The following MTUS2 variants were observed in gnomAD, a reference collection of about 807,000 sequenced individuals.
The protein encoded by MTUS2 is microtubule associated scaffold protein 2, also known as microtubule-associated tumor suppressor candidate 2.
A neutral mutation model predicts 114.1 loss-of-function variants in MTUS2; 40 were observed. The observed-to-expected ratio is 0.35, with a 90% CI of 0.27 to 0.46. MTUS2 has a LOEUF of 0.46. Among genes scored for constraint, MTUS2 ranks in the 20% least tolerant of loss-of-function variants. The pLI, the probability that MTUS2 is intolerant of heterozygous loss-of-function variation, is 1.00. For synonymous variants in MTUS2, 688 were observed against 672.0 expected (o/e 1.02, Z -0.37); for missense variants, 1,679 against 1,705.4 (o/e 0.98, Z 0.27).
intron 15 of MTUS2, 72 bp downstream of exon 15, chr13:29,501,266 C>T: frequency 8.6e-7 from 1 of 1,160,606 alleles, no homozygotes; most frequent in Non-Finnish European, 1.3e-6. Flanking sequence ...ATCCAGTTTC[C>T]CTCACTCTGG....
intron 2 of MTUS2, among the ~76,000 whole-genome samples, chr13:28,878,083 C>G (rs1349058767): frequency 6.6e-6 from 1 of 152,030 alleles, no homozygotes; most frequent in East Asian, 1.9e-4. Context: ...GCTTTGTAAT[C>G]TCTGTAGCTT....
chr13:29,448,065 A>G (rs76533630), intron 9 of MTUS2, among the ~76,000 whole-genome samples: 6,568 of 152,232 alleles, frequency 0.043, 455 homozygotes, highest in African/African-American at 0.15. Flanking sequence ...GCCATCAGGT[A>G]GATGTTTAAG....
intron 2 of MTUS2, among the ~76,000 whole-genome samples, chr13:28,950,852 G>A (rs942347909): frequency 5.3e-5 from 8 of 152,210 alleles, no homozygotes; most frequent in African/African-American, 1.7e-4. Context: ...GTGAGCACAT[G>A]TGCCATTAGA....
intron 5 of MTUS2, among the ~76,000 whole-genome samples, chr13:29,270,757 G>C (rs1328165118): frequency 1.3e-5 from 2 of 152,210 alleles, no homozygotes; most frequent in Admixed American, 1.3e-4. Flanking sequence ...AGCAGCTGCT[G>C]CTCCTTATCC....
At chr13:29,228,068 A>T (rs1896180898) in intron 5 of MTUS2, among the ~76,000 whole-genome samples, 1 of 152,186 alleles carries the variant, frequency 6.6e-6, no homozygotes, top group Admixed American at 6.5e-5. Flanking sequence ...TCTTACTCCT[A>T]AGAATCTGTC....
At chr13:29,066,714 C>T (rs1236439472) in intron 4 of MTUS2, among the ~76,000 whole-genome samples, 5 of 152,162 alleles carry the variant, frequency 3.3e-5, no homozygotes, top group Non-Finnish European at 4.4e-5. Flanking sequence ...AGATGCTGGT[C>T]TATGTATGTA....
At chr13:28,854,531 T>C (rs74486383) in intron 2 of MTUS2, among the ~76,000 whole-genome samples, 2 of 152,298 alleles carry the variant, frequency 1.3e-5, no homozygotes, top group Non-Finnish European at 2.9e-5. Context: ...CATGAACACA[T>C]TGAGGGAGGG....
At chr13:28,874,999 T>C (rs187968394) in intron 2 of MTUS2, among the ~76,000 whole-genome samples, 4 of 152,356 alleles carry the variant, frequency 2.6e-5, no homozygotes, top group Admixed American at 2.6e-4. Context: ...GATGGAGGTA[T>C]TTTGTTGTCT....
At chr13:29,315,983 G>T (rs1899971952) in intron 6 of MTUS2, among the ~76,000 whole-genome samples, 1 of 152,186 alleles carries the variant, frequency 6.6e-6, no homozygotes, top group South Asian at 2.1e-4. Context: ...TGCCTCTTGG[G>T]TTGCAGGTGT....
chr13:29,368,656 T>A (rs1870944307), intron 8 of MTUS2, among the ~76,000 whole-genome samples: 1 of 152,180 alleles, frequency 6.6e-6, no homozygotes, highest in Non-Finnish European at 1.5e-5. Context: ...AATAATGTAC[T>A]TTATGCTTCC....
intron 5 of MTUS2, among the ~76,000 whole-genome samples, chr13:29,188,233 G>A (rs1349318212): frequency 6.6e-6 from 1 of 152,128 alleles, no homozygotes. Context: ...CTTCAGACAT[G>A]GGAACTGAGA....
intron 5 of MTUS2, among the ~76,000 whole-genome samples, chr13:29,194,019 G>A (rs556150969): frequency 1.1e-4 from 16 of 151,670 alleles, no homozygotes; most frequent in Admixed American, 3.3e-4. Context: ...AATAAATGGT[G>A]CTGGGAAAAC....
chr13:28,959,165 CAGA>C (rs1279312053), intron 2 of MTUS2, among the ~76,000 whole-genome samples: 1 of 152,166 alleles, frequency 6.6e-6, no homozygotes, highest in Non-Finnish European at 1.5e-5. Flanking sequence ...TTTCTCTAGC[CAGA>C]AGACCAGGAA....
rs1232561366 is a variant in MTUS2 at position 29,026,750 on chromosome 13, A to T, written c.2052A>T (p.Ala684=). 1 of 1,614,002 alleles carries T rather than the reference A, an allele frequency of 6.2e-7. No individual in the cohort carries two copies. Among genetic ancestry groups the T allele is most frequent in the Admixed American group, 1.7e-5 (1 of 60,032 alleles). The stretch of plus-strand genomic sequence containing the variant: ...TGCCTCTTCCCCACGAAGAGAAGGC[A>T]GCAGGTGGTGACCTGAAGCCATCTG... The part of the protein sequence containing the change: ...CTMPLPHEEK[A]AGGDLKPSAN... The change falls in exon 3 of 16, where the codon GCA becomes GCT. Residue 684 remains alanine, a synonymous_variant. Coordinates refer to ENST00000612955, the MANE Select transcript of MTUS2 (RefSeq NM_001033602.4).
chr13:28,931,869 C>T (rs991535846), intron 2 of MTUS2, among the ~76,000 whole-genome samples: 2 of 152,146 alleles, frequency 1.3e-5, no homozygotes, highest in Non-Finnish European at 1.5e-5. Flanking sequence ...TGATGTTCCC[C>T]TTCCTGTGTC....
intron 8 of MTUS2, among the ~76,000 whole-genome samples, chr13:29,410,003 A>G (rs2138540944): frequency 6.6e-6 from 1 of 152,326 alleles, no homozygotes; most frequent in East Asian, 1.9e-4. Context: ...AAGAAAGTAC[A>G]TGTATAGTTT....
At chr13:29,323,630 T>C (rs11840529) in intron 6 of MTUS2, among the ~76,000 whole-genome samples, 9,189 of 152,238 alleles carry the variant, frequency 0.06, 829 homozygotes, top group African/African-American at 0.2. Flanking sequence ...TAAAAAGAAA[T>C]TGCAATGTTT....
chr13:29,328,743 T>C (rs1415863698), intron 7 of MTUS2, among the ~76,000 whole-genome samples: 1 of 152,236 alleles, frequency 6.6e-6, no homozygotes, highest in African/African-American at 2.4e-5. Context: ...GGAACATTAA[T>C]CTGATGCAAA....
Position 28,907,447 on chromosome 13 carries a change from CAG to C in MTUS2, c.-243+67602_-243+67603del, listed in dbSNP as rs1158813290. On this transcript the variant is annotated intron_variant, in intron 2 of 15. Transcript: ENST00000612955. The stretch of plus-strand genomic sequence containing the variant: ...TGGACTAAATGCTCCAATTAAAAGA[CAG>C]AGAGTGGCAAATTGGATAAAGAGTC... Among the ~76,000 whole-genome samples the C allele has an allele frequency of 5.3e-5, 8 of 151,484 alleles. 1 individual carries two copies. The East Asian group carries it at 7.7e-4, about 15-fold the overall frequency.
Sources: gnomAD v4.1 joint callset for allele counts (sites outside exome capture counted in the v4.1 genomes callset) on GRCh38, gnomAD v4.1.1 for gene constraint, MANE v1.5 for transcripts, NCBI Gene and HGNC (gene_info 2026-07-23, HGNC 2026-07-21) for gene names.